Variants in IPO7 observed in about 807,000 individuals in gnomAD.
IPO7 encodes the protein importin-7.
IPO7 carries 13 observed loss-of-function variants against 136.4 expected under a neutral mutation model. The ratio of observed to expected loss-of-function variants is 0.10; its 90% confidence interval spans 0.06 to 0.15. IPO7 has a LOEUF of 0.15. Ranked by LOEUF, IPO7 falls within the 10% of genes least tolerant of loss-of-function variation. IPO7 has a pLI of 1.00. For synonymous variants in IPO7, 403 were observed against 404.4 expected, an observed-to-expected ratio of 1.00 and a Z score of 0.04; for missense variants, 857 against 1,240.6, an observed-to-expected ratio of 0.69 and a Z score of 4.65.
chr11:9,419,570 A>ATT, intron 6 of IPO7, among the ~76,000 whole-genome samples: 1 of 143,358 alleles, frequency 7.0e-6, no homozygotes, highest in Admixed American at 7.0e-5. Flanking sequence ...ATATATATAT[A>ATT]TATATATATA....
At chr11:9,390,208 C>T (rs749225957) in intron 1 of IPO7, among the ~76,000 whole-genome samples, 2 of 152,148 alleles carry the variant, frequency 1.3e-5, no homozygotes, top group Admixed American at 6.6e-5. Flanking sequence ...TTTATATGTA[C>T]AGGCAGCAGT....
intron 1 of IPO7, among the ~76,000 whole-genome samples, chr11:9,397,028 A>AT (rs1564991843): frequency 6.6e-6 from 1 of 151,556 alleles, no homozygotes; most frequent in African/African-American, 2.4e-5. Context: ...CCAAGTTACT[A>AT]TTTTTCTGAC....
intron 22 of IPO7, 138 bp downstream of exon 22, chr11:9,438,423 G>A (rs1177771757): frequency 3.2e-6 from 2 of 624,032 alleles, no homozygotes; most frequent in Admixed American, 2.7e-5. Flanking sequence ...TCAGGAGTTC[G>A]AGACCAGCCT....
At chr11:9,425,101 G>A (rs761939535) in intron 11 of IPO7, 45 bp from the exon 12 acceptor site, 4 of 1,336,208 alleles carry the variant, frequency 3.0e-6, no homozygotes, top group African/African-American at 2.9e-5. Flanking sequence ...GTTTTTTAAG[G>A]ACTGTTGGCC....
chr11:9,414,619 CT>C (rs1164303193), intron 5 of IPO7: 650 of 71,294 alleles, frequency 9.1e-3, no homozygotes, highest in South Asian at 0.053. Flanking sequence ...CCTAATGAAT[CT>C]TTTTTTTTTT....
rs71062846 is a variant in IPO7 at position 9,402,399 on chromosome 11, C to CAAAAAAA, written c.85-869_85-863dup. ...CAGGCGACAGAGCGAGACTGTGTCT[C>CAAAAAAA]AAAAAAAAAAAAAAAAAAAAAAAAA... On this transcript the variant is annotated intron_variant, in intron 1 of 24. Coordinates refer to ENST00000379719, the MANE Select transcript of IPO7 (RefSeq NM_006391.3). Among the ~76,000 whole-genome samples, 19 of 44,898 alleles carry CAAAAAAA rather than the reference C, an allele frequency of 4.2e-4. 1 individual carries two copies. The highest frequency in any genetic ancestry group is 2.2e-3 in the East Asian group (2 of 926). 29.5% of individuals were successfully genotyped at this position (44,898 alleles called of 152,430 possible).
intron 4 of IPO7, among the ~76,000 whole-genome samples, chr11:9,411,984 C>T (rs1319064285): frequency 1.3e-5 from 2 of 152,248 alleles, no homozygotes; most frequent in Non-Finnish European, 1.5e-5. Flanking sequence ...AATATTAGTT[C>T]TCACTTTTAG....
intron 24 of IPO7, among the ~76,000 whole-genome samples, chr11:9,444,792 G>A (rs1033913550): frequency 3.4e-5 from 5 of 148,200 alleles, no homozygotes; most frequent in African/African-American, 7.5e-5. Context: ...AGCCAAGATC[G>A]TGCCGCTGCA....
At chr11:9,422,517 G>A (rs550208081) in intron 8 of IPO7, among the ~76,000 whole-genome samples, 72 of 152,242 alleles carry the variant, frequency 4.7e-4, no homozygotes, top group African/African-American at 1.7e-3. Context: ...CATTTTGTGT[G>A]TCAGTGTTCT....
chr11:9,431,957 A>G (rs1313280205), intron 16 of IPO7, among the ~76,000 whole-genome samples: 1 of 152,214 alleles, frequency 6.6e-6, no homozygotes, highest in Non-Finnish European at 1.5e-5. Flanking sequence ...CCTGGGCGAC[A>G]GAGTGAGACA....
chr11:9,431,106 C>G (rs1416235952), intron 16 of IPO7, 103 bp downstream of exon 16: 2 of 838,284 alleles, frequency 2.4e-6, no homozygotes, highest in African/African-American at 1.7e-5. Context: ...TTGCCATTTT[C>G]CCTTTTATAA....
At chr11:9,414,502 T>C in intron 5 of IPO7, 91 bp downstream of exon 5, 2 of 829,762 alleles carry the variant, frequency 2.4e-6, no homozygotes, top group Non-Finnish European at 1.8e-6. Context: ...ATTTGAATAA[T>C]AGTTAACTTG....
chr11:9,389,956 C>T (rs1564989887), intron 1 of IPO7, among the ~76,000 whole-genome samples: 1 of 152,162 alleles, frequency 6.6e-6, no homozygotes, highest in Non-Finnish European at 1.5e-5. Context: ...GGGGTTTCAC[C>T]ATGTTGGCCA....
At chr11:9,389,215 A>G (rs1248117865) in intron 1 of IPO7, among the ~76,000 whole-genome samples, 3 of 151,796 alleles carry the variant, frequency 2.0e-5, no homozygotes, top group Admixed American at 1.3e-4. Context: ...CATCTGGCCA[A>G]TTTTTGTATT....
At chr11:9,385,652 G>T (rs1158717642) in intron 1 of IPO7, among the ~76,000 whole-genome samples, 1 of 152,056 alleles carries the variant, frequency 6.6e-6, no homozygotes, top group East Asian at 1.9e-4. Context: ...ACAGACAGGT[G>T]AGATAATGTT....
chr11:9,427,099 C>G (rs1590445858), intron 12 of IPO7, among the ~76,000 whole-genome samples: 1 of 152,300 alleles, frequency 6.6e-6, no homozygotes, highest in East Asian at 1.9e-4. Flanking sequence ...ATCCGCCTGC[C>G]TCAGCCTCCC....
chr11:9,424,819 T>A, intron 10 of IPO7, 95 bp from the exon 11 acceptor site: 1 of 796,918 alleles, frequency 1.3e-6, no homozygotes, highest in Non-Finnish European at 2.1e-6. Flanking sequence ...GGATCTGGGA[T>A]CATTTTCATA....
chr11:9,401,132 G>A, intron 1 of IPO7, among the ~76,000 whole-genome samples: 1 of 151,432 alleles, frequency 6.6e-6, no homozygotes, highest in Non-Finnish European at 1.5e-5. Context: ...CGTGAGCCAA[G>A]ATTGCACCAT....
chr11:9,397,365 T>TATATATATATATATATATATATATATA (rs1564992067), intron 1 of IPO7, among the ~76,000 whole-genome samples: 5 of 94,750 alleles, frequency 5.3e-5, no homozygotes, highest in Non-Finnish European at 1.0e-4. Flanking sequence ...TATATATATA[T>TATATATATATATATATATATATATATA]TAGTCGGGCA....
Sources: allele counts gnomAD v4.1 joint callset (sites outside exome capture counted in the v4.1 genomes callset), GRCh38; gene constraint gnomAD v4.1.1; transcripts MANE v1.5; gene names NCBI Gene and HGNC (gene_info 2026-07-23, HGNC 2026-07-21).